The following NAALADL2 variants were observed in gnomAD, a reference collection of about 807,000 sequenced individuals.
NAALADL2 encodes the protein N-acetylated alpha-linked acidic dipeptidase like 2, also known as inactive N-acetylated-alpha-linked acidic dipeptidase-like protein 2.
A neutral mutation model predicts 87.2 loss-of-function variants in NAALADL2; 76 were observed. The observed-to-expected ratio is 0.87, with a 90% CI of 0.72 to 1.05. The LOEUF is 1.05. NAALADL2 is among the 50% of genes least tolerant of loss of function. NAALADL2 has a pLI of 0.00. For synonymous variants in NAALADL2, 354 were observed against 331.0 expected, an observed-to-expected ratio of 1.07 and a Z score of -0.75; for missense variants, 1,089 against 945.8, an observed-to-expected ratio of 1.15 and a Z score of -1.99.
chr3:174,609,593 A>C (rs1251920469), intron 2 of NAALADL2, among the ~76,000 whole-genome samples: 2 of 152,284 alleles, frequency 1.3e-5, no homozygotes, highest in East Asian at 3.9e-4. Context: ...AATACCTAGG[A>C]ATGCAACTTA....
intron 3 of NAALADL2, among the ~76,000 whole-genome samples, chr3:174,790,049 C>T (rs1717265547): frequency 6.6e-6 from 1 of 152,176 alleles, no homozygotes; most frequent in African/African-American, 2.4e-5. Context: ...AGATACTACT[C>T]TTGGCTCTCT....
At chr3:175,544,142 A>C (rs796857290) in intron 9 of NAALADL2, among the ~76,000 whole-genome samples, 42 of 152,312 alleles carry the variant, frequency 2.8e-4, no homozygotes, top group African/African-American at 9.4e-4. Flanking sequence ...TGATCTTCTA[A>C]TGTGAAAAAA....
chr3:175,240,415 GA>G (rs1400654785), intron 3 of NAALADL2, among the ~76,000 whole-genome samples: 1 of 152,118 alleles, frequency 6.6e-6, no homozygotes, highest in East Asian at 1.9e-4. Context: ...CTCACAGCTG[GA>G]AAAACTTGGT....
chr3:175,589,482 T>A (rs1445062911), intron 10 of NAALADL2, among the ~76,000 whole-genome samples: 1 of 152,058 alleles, frequency 6.6e-6, no homozygotes, highest in Non-Finnish European at 1.5e-5. Context: ...TCTTCTTTTT[T>A]AAATTTCTAC....
chr3:175,071,936 A>G (rs1715722111), intron 1 of NAALADL2, among the ~76,000 whole-genome samples: 3 of 152,060 alleles, frequency 2.0e-5, no homozygotes, highest in Admixed American at 2.0e-4. Flanking sequence ...TGCTGTTTTT[A>G]ACTATATGAT....
At chr3:175,675,113 A>G (rs1734582161) in intron 11 of NAALADL2, 1 of 152,220 alleles carries the variant, frequency 6.6e-6, no homozygotes, top group Admixed American at 6.5e-5. Flanking sequence ...GAAGATACCA[A>G]TTGCACCTGT....
At chr3:175,181,197 C>T (rs2108987222) in intron 2 of NAALADL2, among the ~76,000 whole-genome samples, 1 of 152,210 alleles carries the variant, frequency 6.6e-6, no homozygotes, top group African/African-American at 2.4e-5. Flanking sequence ...AGTTTTCCCA[C>T]ACAGTGTAGT....
chr3:175,308,600 T>C (rs1447003398), intron 4 of NAALADL2, among the ~76,000 whole-genome samples: 1 of 152,194 alleles, frequency 6.6e-6, no homozygotes, highest in Non-Finnish European at 1.5e-5. Context: ...GGATGGGCTT[T>C]TGTTATCTCA....
intron 2 of NAALADL2, among the ~76,000 whole-genome samples, chr3:174,699,985 G>T (rs1184314074): frequency 1.3e-5 from 2 of 151,824 alleles, no homozygotes; most frequent in African/African-American, 4.8e-5. Flanking sequence ...CATAGCCATT[G>T]CTGGAAGTGT....
intron 9 of NAALADL2, among the ~76,000 whole-genome samples, chr3:175,499,785 C>G (rs1436721677): frequency 6.6e-6 from 1 of 151,986 alleles, no homozygotes; most frequent in Non-Finnish European, 1.5e-5. Flanking sequence ...CAGTATTAGT[C>G]ATTTCCTCAA....
Position 175,561,906 on chromosome 3 carries a change from G to A in NAALADL2, c.1654-14135G>A, listed in dbSNP as rs143357671. Among the ~76,000 whole-genome samples the A allele has an allele frequency of 3.3e-5, 5 of 152,298 alleles. No homozygotes were observed. In the South Asian group the frequency reaches 6.2e-4, roughly 19 times the overall value. ...CAGCATAATGTAGACTTCAACATTT[G>A]ATGTGTTAAATTTGAAGTAATTATT... On this transcript the variant is annotated intron_variant, in intron 9 of 13. Transcript: ENST00000454872.
At chr3:174,533,662 T>C (rs1721452821) in intron 1 of NAALADL2, among the ~76,000 whole-genome samples, 1 of 150,568 alleles carries the variant, frequency 6.6e-6, no homozygotes, top group African/African-American at 2.4e-5. Context: ...TTAAAGTGTC[T>C]AATTGGAGCA....
chr3:175,549,121 C>G (rs1160290895), intron 9 of NAALADL2, among the ~76,000 whole-genome samples: 1 of 145,208 alleles, frequency 6.9e-6, no homozygotes, highest in Non-Finnish European at 1.5e-5. Context: ...ATACTATATA[C>G]ATACAGTTTT....
Position 175,807,939 on chromosome 3 carries a change from A to C in NAALADL2, c.*4736A>C, listed in dbSNP as rs867438743. The C allele has an allele frequency of 6.6e-6, 1 of 151,962 alleles. No individual in the cohort carries two copies. Among genetic ancestry groups the C allele is most frequent in the Non-Finnish European group, 1.5e-5 (1 of 67,912 alleles). The allele number at this position is 151,962 out of a possible 1,614,324, so 9.4% of individuals were successfully genotyped here. ...AGGTGACATGAATTTGAAGCGTAGC[A>C]AAAGAAATGTATAAAGATAGCCTTT... On this transcript the variant is annotated 3_prime_UTR_variant, in exon 14 of 14. Coordinates refer to ENST00000454872, the MANE Select transcript of NAALADL2 (RefSeq NM_207015.3).
chr3:174,833,524 A>G (rs1192104451), intron 3 of NAALADL2, among the ~76,000 whole-genome samples: 1 of 152,154 alleles, frequency 6.6e-6, no homozygotes, highest in Non-Finnish European at 1.5e-5. Context: ...AAATAAAGGA[A>G]GAGGAAAAAC....
chr3:174,667,569 A>G (rs1350807204), intron 2 of NAALADL2, among the ~76,000 whole-genome samples: 1 of 71,056 alleles, frequency 1.4e-5, no homozygotes, highest in Non-Finnish European at 3.2e-5. Context: ...TTTTATAGCA[A>G]GACTTTGAGT....
At chr3:174,800,593 C>T (rs566347195) in intron 3 of NAALADL2, among the ~76,000 whole-genome samples, 1 of 152,300 alleles carries the variant, frequency 6.6e-6, no homozygotes, top group East Asian at 1.9e-4. Context: ...GCCCCTCCCC[C>T]CCAACAGAGT....
chr3:175,511,742 C>G (rs1263823957), intron 9 of NAALADL2, among the ~76,000 whole-genome samples: 6 of 152,118 alleles, frequency 3.9e-5, no homozygotes, highest in African/African-American at 1.4e-4. Flanking sequence ...TCTGACAGAG[C>G]CATAAACATG....
At chr3:174,947,273 T>C (rs1326580465) in intron 1 of NAALADL2, among the ~76,000 whole-genome samples, 2 of 152,180 alleles carry the variant, frequency 1.3e-5, no homozygotes, top group Non-Finnish European at 2.9e-5. Context: ...TTTGTTTGTT[T>C]GTTTTTTGTT....
Sources: allele counts gnomAD v4.1 joint callset (sites outside exome capture counted in the v4.1 genomes callset), GRCh38; gene constraint gnomAD v4.1.1; transcripts MANE v1.5; gene names NCBI Gene and HGNC (gene_info 2026-07-23, HGNC 2026-07-21).